Variants in GALNT14 observed in about 807,000 individuals in gnomAD.
The protein encoded by GALNT14 is UDP-GalNAc:polypeptide N-acetylgalactosaminyltransferase 14.
In GALNT14, 60 loss-of-function variants were observed where a neutral mutation model predicts 77.5. The ratio of observed to expected loss-of-function variants is 0.77; its 90% confidence interval spans 0.63 to 0.96. GALNT14 has a LOEUF of 0.96. Among genes scored for constraint, GALNT14 ranks in the 40% least tolerant of loss-of-function variants. GALNT14 has a pLI of 0.00. For missense variants in GALNT14, 710 were observed against 731.0 expected, an observed-to-expected ratio of 0.97 and a Z score of 0.33; for synonymous variants, 280 against 281.7, an observed-to-expected ratio of 0.99 and a Z score of 0.06.
intron 1 of GALNT14, among the ~76,000 whole-genome samples, chr2:30,994,457 A>ATC (rs796598705): frequency 5.0e-4 from 76 of 152,154 alleles, no homozygotes; most frequent in African/African-American, 1.8e-3. Flanking sequence ...CCAGTAATTG[A>ATC]TCTCTCTCTC....
chr2:30,898,972 G>A, the GALNT14 span, among the ~76,000 whole-genome samples: 1 of 152,178 alleles, frequency 6.6e-6, no homozygotes, highest in Non-Finnish European at 1.5e-5. Flanking sequence ...TCTTGCTGTA[G>A]GGACAGGCCT....
chr2:30,955,364 G>T (rs1202358336), intron 6 of GALNT14, among the ~76,000 whole-genome samples: 1 of 152,196 alleles, frequency 6.6e-6, no homozygotes, highest in Non-Finnish European at 1.5e-5. Flanking sequence ...TATCCCAGCT[G>T]TCCCAAGTGC....
chr2:30,891,129 A>T, the GALNT14 span, among the ~76,000 whole-genome samples: 1 of 152,124 alleles, frequency 6.6e-6, no homozygotes, highest in African/African-American at 2.4e-5. Flanking sequence ...CAATATTAGA[A>T]CCCCAAATTC....
At chr2:31,078,864 G>C (rs1457093714) in intron 1 of GALNT14, 1 of 1,252,208 alleles carries the variant, frequency 8.0e-7, no homozygotes, top group African/African-American at 1.5e-5. Context: ...CAGGAGAGCA[G>C]GGGAAAGTAG....
chr2:30,904,645 C>T, the GALNT14 span, among the ~76,000 whole-genome samples: 1 of 152,252 alleles, frequency 6.6e-6, no homozygotes, highest in Non-Finnish European at 1.5e-5. Flanking sequence ...GGGGCGCCCG[C>T]CATTGCCCAG....
chr2:31,049,540 T>C (rs2148516037), intron 1 of GALNT14, among the ~76,000 whole-genome samples: 1 of 152,222 alleles, frequency 6.6e-6, no homozygotes, highest in South Asian at 2.1e-4. Flanking sequence ...GGCCCTCAGG[T>C]CATGGAGAAT....
At chr2:30,955,821 C>A in intron 5 of GALNT14, 82 bp from the exon 6 acceptor site, 1 of 1,608,214 alleles carries the variant, frequency 6.2e-7, no homozygotes, top group Non-Finnish European at 8.5e-7. Flanking sequence ...ACCCAGCATT[C>A]CCCACTGATC....
the GALNT14 span, among the ~76,000 whole-genome samples, chr2:30,895,345 CT>C: frequency 0.49 from 74,798 of 151,656 alleles, 18,689 homozygotes; most frequent in East Asian, 0.57. Context: ...AGAGAGTCCC[CT>C]GGGAACACAG....
At chr2:31,098,980 C>T (rs1677132497) in intron 1 of GALNT14, among the ~76,000 whole-genome samples, 1 of 152,018 alleles carries the variant, frequency 6.6e-6, no homozygotes, top group Admixed American at 6.6e-5. Flanking sequence ...GTTGGTCTTG[C>T]TGTGTCAGGG....
At chr2:31,061,749 A>T (rs1265586788) in intron 1 of GALNT14, among the ~76,000 whole-genome samples, 2 of 152,158 alleles carry the variant, frequency 1.3e-5, no homozygotes, top group Non-Finnish European at 2.9e-5. Flanking sequence ...GTGTTGGCTC[A>T]TGCTATTTCC....
At chr2:30,889,921 A>G in the GALNT14 span, among the ~76,000 whole-genome samples, 20 of 152,198 alleles carry the variant, frequency 1.3e-4, no homozygotes, top group African/African-American at 4.8e-4. Flanking sequence ...AGCACTTAAC[A>G]AGTTTTATAA....
At chr2:31,035,918 A>C (rs182766066) in intron 1 of GALNT14, among the ~76,000 whole-genome samples, 1 of 152,184 alleles carries the variant, frequency 6.6e-6, no homozygotes, top group East Asian at 1.9e-4. Context: ...TACTAGGCTT[A>C]ATACCTGAGT....
chr2:30,955,716 C>T lies in GALNT14; in HGVS notation c.556G>A (p.Gly186Ser). The T allele has an allele frequency of 6.2e-7, 1 of 1,614,170 alleles. No homozygotes were observed. The change falls in exon 6 of 15, where the codon GGC becomes AGC. Residue 186 changes from glycine to serine, a missense_variant. Coordinates refer to ENST00000349752, the MANE Select transcript of GALNT14 (RefSeq NM_024572.4). ...RQGLVRSRIR[G>S]ADIAQGTTLT... ...GTGGTGCCCTGGGCGATGTCAGCGC[C>T]CCGAATCCGGGACCGGACCAGACCT...
chr2:30,922,995 C>A (rs1665124523), intron 13 of GALNT14, among the ~76,000 whole-genome samples: 1 of 151,586 alleles, frequency 6.6e-6, no homozygotes, highest in Non-Finnish European at 1.5e-5. Flanking sequence ...TGATGAATAC[C>A]CGCCAGAAGG....
intron 1 of GALNT14, among the ~76,000 whole-genome samples, chr2:31,071,983 G>C (rs1320009828): frequency 1.3e-5 from 2 of 152,202 alleles, no homozygotes; most frequent in Non-Finnish European, 2.9e-5. Flanking sequence ...CGGTGCCCAG[G>C]AGACAGTGAG....
Position 31,026,837 on chromosome 2 carries a change from C to T in GALNT14, c.130-33830G>A, listed in dbSNP as rs535716985. On this transcript the variant is annotated intron_variant, in intron 1 of 14. Transcript: ENST00000349752. ...AGGGATTCTGCTCCAAGTCCACAGT[C>T]CTTTCTTCCTCAGTCTTCCCAGGGC... Among the ~76,000 whole-genome samples, 12 of 152,324 alleles carry T rather than the reference C, an allele frequency of 7.9e-5. No individual in the cohort carries two copies. In the South Asian group the frequency reaches 2.5e-3, roughly 32 times the overall value.
At position 31,072,780 on chromosome 2, in the gene GALNT14, G is replaced by T. The variant is rs116532597; in HGVS notation, c.129+65178C>A. Among the ~76,000 whole-genome samples, 305 of 152,282 alleles carry T rather than the reference G, an allele frequency of 2.0e-3. 2 individuals are homozygous for T. Among genetic ancestry groups the T allele is most frequent in the African/African-American group, 7.1e-3 (295 of 41,556 alleles). On this transcript the variant is annotated intron_variant, in intron 1 of 14. Coordinates refer to ENST00000349752, the MANE Select transcript of GALNT14 (RefSeq NM_024572.4). The stretch of plus-strand genomic sequence containing the variant: ...GAGATGTGCCAGACAGGGTGGCTCA[G>T]TCCGTAAGACTGCCACCCCAGTGCT...
intron 1 of GALNT14, among the ~76,000 whole-genome samples, chr2:31,032,098 C>G (rs1227772254): frequency 1.3e-5 from 2 of 152,218 alleles, no homozygotes; most frequent in Non-Finnish European, 2.9e-5. Context: ...GCAGCAGACT[C>G]TCATGGATAC....
At chr2:30,929,944 T>C (rs976522760) in intron 10 of GALNT14, among the ~76,000 whole-genome samples, 2 of 152,218 alleles carry the variant, frequency 1.3e-5, no homozygotes, top group African/African-American at 4.8e-5. Context: ...ACCTGCATTT[T>C]GACTGCAACC....
Sources: gnomAD v4.1 joint callset for allele counts (sites outside exome capture counted in the v4.1 genomes callset) on GRCh38, gnomAD v4.1.1 for gene constraint, MANE v1.5 for transcripts, NCBI Gene and HGNC (gene_info 2026-07-23, HGNC 2026-07-21) for gene names.